AMN1: variants seen among roughly 807,000 people sequenced by gnomAD.
The protein encoded by AMN1 is protein AMN1 homolog.
AMN1 carries 20 observed loss-of-function variants against 33.0 expected under a neutral mutation model. The observed-to-expected ratio is 0.61, with a 90% CI of 0.43 to 0.88. The LOEUF (loss-of-function observed/expected upper bound fraction) is 0.88. AMN1 is among the 40% of genes least tolerant of loss of function. AMN1 has a pLI of 0.00. For synonymous variants in AMN1, 114 were observed against 111.9 expected (o/e 1.02, Z -0.12); for missense variants, 246 against 307.4 (o/e 0.80, Z 1.49).
chr12:31,714,918 T>C, intron 1 of AMN1: 1 of 984,494 alleles, frequency 1.0e-6, no homozygotes, highest in South Asian at 4.7e-5. Flanking sequence ...AACAACATTG[T>C]GCAATTTTAT....
intron 6 of AMN1, among the ~76,000 whole-genome samples, chr12:31,679,046 C>G (rs1430446997): frequency 6.6e-6 from 1 of 152,156 alleles, no homozygotes; most frequent in African/African-American, 2.4e-5. Context: ...TGGCAGCTCA[C>G]GCCTGTAATC....
intron 1 of AMN1, among the ~76,000 whole-genome samples, chr12:31,710,606 G>T (rs1207610367): frequency 6.6e-6 from 1 of 151,662 alleles, no homozygotes; most frequent in South Asian, 2.1e-4. Context: ...TTGTGTGGGG[G>T]AGGGGTCATT....
chr12:31,719,678 G>A (rs1280301752), intron 1 of AMN1, among the ~76,000 whole-genome samples: 1 of 152,120 alleles, frequency 6.6e-6, no homozygotes, highest in Non-Finnish European at 1.5e-5. Context: ...ACAAGCATCT[G>A]AGAAAACTGT....
upstream of AMN1, chr12:31,729,174 A>G: frequency 1.4e-6 from 1 of 709,438 alleles, no homozygotes. Context: ...CAAGGAAAGA[A>G]GAGAGCCCCC....
chr12:31,676,458 A>C (rs1349426960), intron 6 of AMN1, among the ~76,000 whole-genome samples: 1 of 151,368 alleles, frequency 6.6e-6, no homozygotes, highest in East Asian at 2.0e-4. Context: ...AAAAATGCAA[A>C]AATTAGCCAG....
chr12:31,673,621 T>A (rs1951327164), intron 6 of AMN1: 1 of 434,398 alleles, frequency 2.3e-6, no homozygotes, highest in African/African-American at 2.0e-5. Flanking sequence ...CAACTCTTTC[T>A]GTGAGGCCAG....
chr12:31,687,616 G>C lies in AMN1; in HGVS notation c.703+1391C>G, dbSNP rs1938319801. ...GAGAATCACTTGAACCTGGAAGGCA[G>C]AGGTTGCAGTGAGCCAAGATTGCAC... On this transcript the variant is annotated intron_variant, in intron 6 of 6. Transcript: ENST00000281471. This position sits in a 1 kb window ranked among gnomAD's most constrained non-coding sequence, Gnocchi z 4.1. Among the ~76,000 whole-genome samples, 1 of 151,888 alleles carries C rather than the reference G, an allele frequency of 6.6e-6. No individual in the cohort carries two copies. Among genetic ancestry groups the C allele is most frequent in the African/African-American group, 2.4e-5 (1 of 41,322 alleles).
intron 6 of AMN1, among the ~76,000 whole-genome samples, chr12:31,678,570 T>C (rs908950752): frequency 1.3e-5 from 2 of 152,082 alleles, no homozygotes; most frequent in Admixed American, 6.5e-5. Flanking sequence ...CTAATTTTTG[T>C]ATTTTTAGTA....
Position 31,683,381 on chromosome 12 carries a change from GT to G in AMN1, c.703+5625del, listed in dbSNP as rs1938117074. On this transcript the variant is annotated intron_variant, in intron 6 of 6. Coordinates refer to ENST00000281471, the MANE Select transcript of AMN1 (RefSeq NM_001113402.2). This position sits in a 1 kb window ranked among gnomAD's most constrained non-coding sequence, Gnocchi z 4.1. ...TTCTGTAGTCTGAGACCCTTTCAGGGTTGTGAACTGAACTAGTTACTTTTCT... is the reference window on the plus strand; with the variant it reads ...TTCTGTAGTCTGAGACCCTTTCAGGGTGTGAACTGAACTAGTTACTTTTCT... Among the ~76,000 whole-genome samples, 1 of 152,208 alleles carries G rather than the reference GT, an allele frequency of 6.6e-6. No homozygotes were observed. Among genetic ancestry groups the G allele is most frequent in the African/African-American group, 2.4e-5 (1 of 41,434 alleles).
chr12:31,699,566 C>A (rs74974307), intron 3 of AMN1, among the ~76,000 whole-genome samples: 1 of 152,026 alleles, frequency 6.6e-6, no homozygotes, highest in Non-Finnish European at 1.5e-5. Context: ...GGGGCTCCTG[C>A]GCTTCCAGAC....
chr12:31,697,533 GT>G (rs1185909292), intron 4 of AMN1, 116 bp from the exon 5 acceptor site: 17 of 1,145,228 alleles, frequency 1.5e-5, no homozygotes, highest in Non-Finnish European at 2.1e-5. Context: ...TCAAACATGT[GT>G]TTTAGCCATA....
intron 1 of AMN1, among the ~76,000 whole-genome samples, chr12:31,717,357 T>C (rs984507166): frequency 7.9e-5 from 12 of 152,214 alleles, no homozygotes; most frequent in Non-Finnish European, 1.0e-4. Flanking sequence ...CTGATGAGCA[T>C]TTGAGTTGGT....
chr12:31,675,697 T>C (rs1361492825), intron 6 of AMN1, among the ~76,000 whole-genome samples: 3 of 151,682 alleles, frequency 2.0e-5, no homozygotes, highest in South Asian at 2.1e-4. Context: ...GGTTTAACCA[T>C]GCTGGCCAGG....
At chr12:31,721,846 A>C (rs1939887865) in intron 1 of AMN1, among the ~76,000 whole-genome samples, 1 of 152,190 alleles carries the variant, frequency 6.6e-6, no homozygotes, top group African/African-American at 2.4e-5. Flanking sequence ...TCTCTAATGG[A>C]ATAGACTGCA....
intron 5 of AMN1, among the ~76,000 whole-genome samples, chr12:31,695,368 T>C (rs1938675278): frequency 6.6e-6 from 1 of 152,192 alleles, no homozygotes; most frequent in African/African-American, 2.4e-5. Flanking sequence ...GGCATAACAG[T>C]AAGTGCTCGA....
chr12:31,683,251 C>T lies in AMN1; in HGVS notation c.703+5756G>A, dbSNP rs1002050318. Reference sequence around the variant, plus strand: ...GTGCAGGACTACAGGCGTGAGCTACCACACCTGGCCAGAAAATGATATGCT... The same window carrying T: ...GTGCAGGACTACAGGCGTGAGCTACTACACCTGGCCAGAAAATGATATGCT... On this transcript the variant is annotated intron_variant, in intron 6 of 6. Transcript: ENST00000281471. This position sits in a 1 kb window ranked among gnomAD's most constrained non-coding sequence, Gnocchi z 4.1. Among the ~76,000 whole-genome samples, 8 of 152,116 alleles carry T rather than the reference C, an allele frequency of 5.3e-5. No homozygotes were observed. The highest frequency in any genetic ancestry group is 2.1e-4 in the South Asian group (1 of 4,824).
At chr12:31,680,182 T>TA (rs140825106) in intron 6 of AMN1, among the ~76,000 whole-genome samples, 8,074 of 151,730 alleles carry the variant, frequency 0.053, 471 homozygotes, top group East Asian at 0.17. Flanking sequence ...GTAACATCTA[T>TA]AAAACTATAA....
At chr12:31,710,410 G>A (rs1939419084) in intron 1 of AMN1, among the ~76,000 whole-genome samples, 1 of 152,108 alleles carries the variant, frequency 6.6e-6, no homozygotes, top group Non-Finnish European at 1.5e-5. Flanking sequence ...TCATATACCT[G>A]TGATTAATTT....
chr12:31,727,780 A>C (rs112239413), intron 1 of AMN1, among the ~76,000 whole-genome samples: 173 of 149,382 alleles, frequency 1.2e-3, no homozygotes, highest in African/African-American at 4.4e-3. Context: ...CTAGCAGCCT[A>C]GGCGTGCAGT....
Sources: allele counts gnomAD v4.1 joint callset (sites outside exome capture counted in the v4.1 genomes callset), GRCh38; gene constraint gnomAD v4.1.1; non-coding constraint Gnocchi (gnomAD v3.1); transcripts MANE v1.5; gene names NCBI Gene and HGNC (gene_info 2026-07-23, HGNC 2026-07-21).